LARGE1: variants seen among roughly 807,000 people sequenced by gnomAD.
LARGE1 encodes xylosyl- and glucuronyltransferase LARGE1.
A neutral mutation model predicts 87.6 loss-of-function variants in LARGE1; 43 were observed. That is an observed-to-expected ratio of 0.49 (90% confidence interval 0.38 to 0.63). The LOEUF (loss-of-function observed/expected upper bound fraction) is 0.63. LARGE1 is among the 30% of genes least tolerant of loss of function. LARGE1 has a pLI of 0.00. For synonymous variants in LARGE1, 434 were observed against 394.6 expected (o/e 1.10, Z -1.18); for missense variants, 802 against 1,000.2 (o/e 0.80, Z 2.67).
At chr22:33,900,300 C>T (rs1034395398) in intron 1 of LARGE1, among the ~76,000 whole-genome samples, 6 of 152,180 alleles carry the variant, frequency 3.9e-5, no homozygotes, top group Non-Finnish European at 5.9e-5. Context: ...AGCCCAGCCC[C>T]GGCTCACTCT....
intron 10 of LARGE1, among the ~76,000 whole-genome samples, chr22:33,326,211 C>T (rs958153712): frequency 1.2e-4 from 19 of 152,126 alleles, no homozygotes; most frequent in Admixed American, 1.2e-3. Context: ...CAGCCCTGAC[C>T]TCGACTTGGA....
chr22:33,545,543 G>A (rs1434762466), intron 6 of LARGE1, among the ~76,000 whole-genome samples: 1 of 152,070 alleles, frequency 6.6e-6, no homozygotes, highest in East Asian at 1.9e-4. Context: ...CTGGGTTCAA[G>A]AGATTCTCCT....
intron 5 of LARGE1, among the ~76,000 whole-genome samples, chr22:33,576,399 C>T (rs2078353312): frequency 6.6e-6 from 1 of 152,042 alleles, no homozygotes; most frequent in African/African-American, 2.4e-5. Flanking sequence ...GGAGACATAA[C>T]AAATAATTTC....
intron 5 of LARGE1, among the ~76,000 whole-genome samples, chr22:33,603,177 T>C (rs536731900): frequency 6.6e-6 from 1 of 152,222 alleles, no homozygotes; most frequent in East Asian, 1.9e-4. Flanking sequence ...TATGTGAAAA[T>C]CAGAAACTCT....
intron 6 of LARGE1, among the ~76,000 whole-genome samples, chr22:33,516,752 G>T (rs2071325229): frequency 6.6e-6 from 1 of 151,998 alleles, no homozygotes; most frequent in African/African-American, 2.4e-5. Flanking sequence ...ACCACGCCTG[G>T]CTAATTTATT....
At chr22:33,090,906 T>C in the LARGE1 span, among the ~76,000 whole-genome samples, 1 of 152,154 alleles carries the variant, frequency 6.6e-6, no homozygotes. Flanking sequence ...GATAGGGAGC[T>C]CTCTTCTTCC....
At chr22:33,615,770 T>G (rs952028311) in intron 4 of LARGE1, among the ~76,000 whole-genome samples, 1 of 151,914 alleles carries the variant, frequency 6.6e-6, no homozygotes, top group Non-Finnish European at 1.5e-5. Flanking sequence ...AAGCATATAT[T>G]TGATAAGCAA....
chr22:33,756,961 C>T (rs757962093), intron 2 of LARGE1, among the ~76,000 whole-genome samples: 9 of 151,920 alleles, frequency 5.9e-5, no homozygotes, highest in South Asian at 2.1e-4. Context: ...AGGGCCTGAA[C>T]GGCGTAGAGC....
At chr22:33,091,590 A>G in the LARGE1 span, among the ~76,000 whole-genome samples, 1 of 151,656 alleles carries the variant, frequency 6.6e-6, no homozygotes, top group Non-Finnish European at 1.5e-5. Context: ...AAATAAATAA[A>G]TAAATAAAGA....
intron 11 of LARGE1, among the ~76,000 whole-genome samples, chr22:33,224,592 C>T (rs76728920): frequency 0.021 from 3,253 of 152,258 alleles, 117 homozygotes; most frequent in African/African-American, 0.072. Context: ...TCATCTATTA[C>T]CTGTTGTGCA....
At chr22:33,468,197 C>T (rs1399085520) in intron 6 of LARGE1, among the ~76,000 whole-genome samples, 2 of 152,090 alleles carry the variant, frequency 1.3e-5, no homozygotes, top group East Asian at 3.9e-4. Flanking sequence ...GAGGACTCTC[C>T]AAATCAATGT....
At chr22:33,866,130 A>T (rs1397278509) in intron 1 of LARGE1, among the ~76,000 whole-genome samples, 2 of 152,036 alleles carry the variant, frequency 1.3e-5, no homozygotes, top group Non-Finnish European at 2.9e-5. Context: ...GGGTAGGCCC[A>T]GAGTTAACTA....
intron 9 of LARGE1, among the ~76,000 whole-genome samples, chr22:33,339,165 A>T (rs1385393674): frequency 6.6e-6 from 1 of 151,486 alleles, no homozygotes. Context: ...AAAAAAAAAA[A>T]AAAAAAAAGA....
chr22:33,276,176 C>G (rs1360116998), intron 14 of LARGE1, among the ~76,000 whole-genome samples: 2 of 148,618 alleles, frequency 1.3e-5, no homozygotes, highest in Admixed American at 1.3e-4. Flanking sequence ...CACTGTGCAC[C>G]AGGAGGAGAG....
At chr22:33,538,394 T>G (rs1486042820) in intron 6 of LARGE1, among the ~76,000 whole-genome samples, 8 of 152,242 alleles carry the variant, frequency 5.3e-5, no homozygotes, top group African/African-American at 1.9e-4. Flanking sequence ...CATTCTTTAG[T>G]GTCTTCTGTG....
At chr22:33,730,958 G>A (rs2083445102) in intron 2 of LARGE1, among the ~76,000 whole-genome samples, 1 of 150,052 alleles carries the variant, frequency 6.7e-6, no homozygotes, top group African/African-American at 2.5e-5. Context: ...ACCTCCTAAA[G>A]TGCTGGGATT....
At chr22:33,783,170 T>C (rs991077120) in intron 1 of LARGE1, among the ~76,000 whole-genome samples, 6 of 152,010 alleles carry the variant, frequency 3.9e-5, no homozygotes, top group African/African-American at 1.4e-4. Context: ...AACACGTTAA[T>C]CCACTGGATC....
intron 7 of LARGE1, among the ~76,000 whole-genome samples, chr22:33,411,095 G>A (rs568630948): frequency 8.5e-5 from 13 of 152,132 alleles, no homozygotes; most frequent in Non-Finnish European, 1.3e-4. Flanking sequence ...TGCTTGGGTC[G>A]TAACTCCTGT....
chr22:33,428,783 A>G (rs2066974099), intron 7 of LARGE1, among the ~76,000 whole-genome samples: 1 of 139,768 alleles, frequency 7.2e-6, no homozygotes, highest in Non-Finnish European at 1.5e-5. Flanking sequence ...AAAAAAAATT[A>G]GCCGGGCGTG....
Sources: gnomAD v4.1 joint callset for allele counts (sites outside exome capture counted in the v4.1 genomes callset) on GRCh38, gnomAD v4.1.1 for gene constraint, MANE v1.5 for transcripts, NCBI Gene and HGNC (gene_info 2026-07-23, HGNC 2026-07-21) for gene names.